The following XPNPEP3 variants were observed in gnomAD, a reference collection of about 807,000 sequenced individuals.
The protein encoded by XPNPEP3 is xaa-Pro aminopeptidase 3.
In XPNPEP3, 41 loss-of-function variants were observed where a neutral mutation model predicts 60.0. The observed-to-expected ratio is 0.68, with a 90% confidence interval of 0.53 to 0.89. The LOEUF (loss-of-function observed/expected upper bound fraction) is 0.89, where lower values mean the gene tolerates loss of function less well. XPNPEP3 is among the 40% of genes least tolerant of loss of function. XPNPEP3 has a pLI of 0.00. For synonymous variants in XPNPEP3, 212 were observed against 223.2 expected, an observed-to-expected ratio of 0.95 and a Z score of 0.45; for missense variants, 598 against 638.9, an observed-to-expected ratio of 0.94 and a Z score of 0.69.
At chr22:40,904,051 C>T (rs1395544108) in intron 4 of XPNPEP3, among the ~76,000 whole-genome samples, 2 of 152,256 alleles carry the variant, frequency 1.3e-5, no homozygotes, top group Middle Eastern at 3.4e-3. Context: ...CATTTTTTAA[C>T]AGTCAAAATA....
intron 2 of XPNPEP3, among the ~76,000 whole-genome samples, chr22:40,880,560 C>T (rs1294349913): frequency 6.6e-6 from 1 of 150,406 alleles, no homozygotes; most frequent in Non-Finnish European, 1.5e-5. Context: ...GATAAGGAGC[C>T]AAACAATGAA....
At chr22:40,897,513 C>CT (rs2058113540) in intron 4 of XPNPEP3, among the ~76,000 whole-genome samples, 1 of 142,792 alleles carries the variant, frequency 7.0e-6, no homozygotes, top group Non-Finnish European at 1.5e-5. Context: ...TTTTTTTTTT[C>CT]TTTTTTTGAG....
At chr22:40,913,420 A>G (rs1196741662) in intron 6 of XPNPEP3, among the ~76,000 whole-genome samples, 2 of 150,548 alleles carry the variant, frequency 1.3e-5, no homozygotes, top group African/African-American at 2.5e-5. Flanking sequence ...CCTGGGCAAC[A>G]GAGCAAGACT....
intron 6 of XPNPEP3, among the ~76,000 whole-genome samples, chr22:40,911,569 C>T (rs1165153318): frequency 2.1e-5 from 3 of 144,380 alleles, no homozygotes; most frequent in Non-Finnish European, 1.5e-5. Context: ...GATGGAGTTT[C>T]ACTCTTGTCA....
chr22:40,866,106 C>A (rs2057977332), intron 1 of XPNPEP3, among the ~76,000 whole-genome samples: 1 of 152,106 alleles, frequency 6.6e-6, no homozygotes, highest in Non-Finnish European at 1.5e-5. Context: ...ACCATTTATT[C>A]ACTTGTTCAA....
intron 2 of XPNPEP3, among the ~76,000 whole-genome samples, chr22:40,871,884 T>C (rs1024030085): frequency 2.6e-5 from 4 of 151,946 alleles, no homozygotes; most frequent in African/African-American, 9.7e-5. Context: ...AATAGAAAAA[T>C]TAGCTGGGCA....
intron 1 of XPNPEP3, among the ~76,000 whole-genome samples, chr22:40,864,658 T>C (rs1040968289): frequency 6.6e-6 from 1 of 152,110 alleles, no homozygotes; most frequent in Non-Finnish European, 1.5e-5. Flanking sequence ...TTGGTCAGGC[T>C]GATCTCGAAC....
At chr22:40,885,678 G>A (rs1002961644) in intron 3 of XPNPEP3, among the ~76,000 whole-genome samples, 11 of 152,150 alleles carry the variant, frequency 7.2e-5, no homozygotes, top group African/African-American at 2.7e-4. Context: ...GTGAAGAACA[G>A]TTGTTCTAAT....
chr22:40,862,275 C>G (rs2057954895), intron 1 of XPNPEP3: 1 of 1,122,658 alleles, frequency 8.9e-7, no homozygotes, highest in African/African-American at 1.6e-5. Context: ...ACCAGACCAT[C>G]CTGAATCCTC....
In XPNPEP3 at chr22:40,931,225, T is replaced by C. The variant is rs1201455929; in HGVS notation, c.*4790T>C. 1 of 152,170 alleles carries C rather than the reference T, an allele frequency of 6.6e-6. No homozygotes were observed. Among genetic ancestry groups the C allele is most frequent in the Admixed American group, 6.5e-5 (1 of 15,274 alleles). 9.4% of individuals were successfully genotyped at this position (152,170 alleles called of 1,614,324 possible). The stretch of plus-strand genomic sequence containing the variant: ...AAAATCTTAACTTAAAAAAAATTAC[T>C]CAAATGTTACTACTGGAATTTTTCT... On this transcript the variant is annotated 3_prime_UTR_variant, in exon 10 of 10. Transcript: ENST00000357137.
intron 4 of XPNPEP3, among the ~76,000 whole-genome samples, chr22:40,889,327 C>T (rs1601503802): frequency 1.3e-5 from 2 of 152,178 alleles, no homozygotes; most frequent in East Asian, 3.9e-4. Context: ...GTCCAGCATC[C>T]TCTTAACACT....
intron 6 of XPNPEP3, among the ~76,000 whole-genome samples, chr22:40,913,297 G>T (rs2058183278): frequency 6.6e-6 from 1 of 151,944 alleles, no homozygotes; most frequent in South Asian, 2.1e-4. Context: ...AGTTAGCCAG[G>T]TGTGGTGGCG....
chr22:40,880,433 A>C (rs1365563539), intron 2 of XPNPEP3, among the ~76,000 whole-genome samples: 1 of 151,230 alleles, frequency 6.6e-6, no homozygotes, highest in Non-Finnish European at 1.5e-5. Flanking sequence ...GTAGTGATCC[A>C]AAAAGCCCCA....
chr22:40,862,100 T>C lies in XPNPEP3; in HGVS notation c.64+4855T>C. ...GATAGAGGTAGTGACTGCAAATAGGTACACTTTTATGTTAAAGACAATGTT... is the reference window on the plus strand; with the variant it reads ...GATAGAGGTAGTGACTGCAAATAGGCACACTTTTATGTTAAAGACAATGTT... On this transcript the variant is annotated intron_variant, in intron 1 of 9. Transcript: ENST00000357137. 2.0e-6 allele frequency: 3 copies of C among 1,507,504 alleles called. No individual in the cohort carries two copies. In the South Asian group the frequency reaches 4.2e-5, roughly 21 times the overall value. The allele number at this position is 1,507,504 out of a possible 1,614,324, so 93.4% of individuals were successfully genotyped here. A position where few individuals can be genotyped will look rare whatever the true frequency, so the allele number is the denominator to read the frequency against.
chr22:40,886,185 C>T, intron 3 of XPNPEP3, 128 bp from the exon 4 acceptor site: 1 of 903,994 alleles, frequency 1.1e-6, no homozygotes, highest in Non-Finnish European at 1.8e-6. Context: ...AGTCTTAAGT[C>T]TCAACACTTT....
At chr22:40,862,759 T>TGA in intron 1 of XPNPEP3, 1 of 985,296 alleles carries the variant, frequency 1.0e-6, no homozygotes, top group Non-Finnish European at 1.2e-6. Context: ...TTTGGAAAGT[T>TGA]GTGTGTTTAT....
At chr22:40,868,481 A>G (rs2057989826) in intron 1 of XPNPEP3, among the ~76,000 whole-genome samples, 1 of 151,642 alleles carries the variant, frequency 6.6e-6, no homozygotes, top group Non-Finnish European at 1.5e-5. Context: ...ATAGCAGACA[A>G]ATGTCTCTGA....
At chr22:40,858,513 C>G (rs1171105699) in intron 1 of XPNPEP3, among the ~76,000 whole-genome samples, 1 of 140,556 alleles carries the variant, frequency 7.1e-6, no homozygotes, top group Admixed American at 7.2e-5. Flanking sequence ...TTTAGTATGG[C>G]TGGAGAAGCT....
Position 40,869,064 on chromosome 22 carries a change from C to G in XPNPEP3, c.130C>G (p.Arg44Gly). ...QPVPERRIPN[R>G]YLGQPSPFTH... ...TGTCCCAGAAAGGAGGATTCCAAAC[C>G]GATACTTAGGCCAGCCCAGCCCCTT... The change falls in exon 2 of 10, where the codon CGA becomes GGA. Residue 44 changes from arginine to glycine, a missense_variant. Arg to Gly is a moderately radical substitution (Grantham distance 125, BLOSUM62 -2). Transcript: ENST00000357137. 6.2e-7 allele frequency: 1 copy of G among 1,614,054 alleles called. No homozygotes were observed. Among genetic ancestry groups the G allele is most frequent in the Non-Finnish European group, 8.5e-7 (1 of 1,179,976 alleles).
Sources: gnomAD v4.1 joint callset for allele counts (sites outside exome capture counted in the v4.1 genomes callset) on GRCh38, gnomAD v4.1.1 for gene constraint, MANE v1.5 for transcripts, NCBI Gene and HGNC (gene_info 2026-07-23, HGNC 2026-07-21) for gene names.